Variants in CA10 observed in about 807,000 individuals in gnomAD.
The protein encoded by CA10 is carbonic anhydrase-related protein 10.
CA10 carries 14 observed loss-of-function variants against 44.2 expected under a neutral mutation model. The ratio of observed to expected loss-of-function variants is 0.32; its 90% CI spans 0.21 to 0.50. The LOEUF (loss-of-function observed/expected upper bound fraction) is 0.50, where lower values mean the gene tolerates loss of function less well. Among genes scored for constraint, CA10 ranks in the 20% least tolerant of loss-of-function variants. CA10 has a pLI of 0.99. For missense variants in CA10, 350 were observed against 409.7 expected, an observed-to-expected ratio of 0.85 and a Z score of 1.26; for synonymous variants, 159 against 141.6, an observed-to-expected ratio of 1.12 and a Z score of -0.87.
At chr17:52,155,800 T>A (rs186206302) in intron 1 of CA10, among the ~76,000 whole-genome samples, 1 of 152,340 alleles carries the variant, frequency 6.6e-6, no homozygotes, top group East Asian at 1.9e-4. Flanking sequence ...ATAGCAATAA[T>A]GATTATTTAG....
At chr17:52,019,611 AGAT>A (rs923762008) in intron 2 of CA10, among the ~76,000 whole-genome samples, 3 of 152,122 alleles carry the variant, frequency 2.0e-5, no homozygotes, top group Non-Finnish European at 2.9e-5. Context: ...AAAAGTACAC[AGAT>A]GATAAGTATA....
At chr17:52,149,677 G>A (rs1225168444) in intron 1 of CA10, among the ~76,000 whole-genome samples, 2 of 152,176 alleles carry the variant, frequency 1.3e-5, no homozygotes, top group Non-Finnish European at 2.9e-5. Context: ...GGTCAACAGG[G>A]TCCTGGCTTT....
intron 3 of CA10, among the ~76,000 whole-genome samples, chr17:51,865,206 T>C (rs1457153798): frequency 2.6e-5 from 4 of 152,294 alleles, no homozygotes; most frequent in East Asian, 3.9e-4. Context: ...TTTTTCTCCA[T>C]GGTACTCACC....
chr17:51,793,042 A>G (rs1190015743), intron 3 of CA10, among the ~76,000 whole-genome samples: 1 of 152,180 alleles, frequency 6.6e-6, no homozygotes, highest in African/African-American at 2.4e-5. Context: ...GGTTGTGGTG[A>G]GGTCCATGGA....
At chr17:51,978,700 T>C (rs79827507) in intron 2 of CA10, among the ~76,000 whole-genome samples, 1,838 of 152,108 alleles carry the variant, frequency 0.012, 27 homozygotes, top group African/African-American at 0.042. Flanking sequence ...TTCATCAAAA[T>C]GAAAAATCTT....
At chr17:52,059,748 C>G (rs1186555740) in intron 2 of CA10, among the ~76,000 whole-genome samples, 2 of 152,070 alleles carry the variant, frequency 1.3e-5, no homozygotes, top group Non-Finnish European at 2.9e-5. Context: ...TAATGACTGA[C>G]TACCTCCAAT....
intron 2 of CA10, among the ~76,000 whole-genome samples, chr17:52,052,508 A>G (rs1200819857): frequency 6.6e-6 from 1 of 151,996 alleles, no homozygotes; most frequent in Non-Finnish European, 1.5e-5. Context: ...ACATGTTATT[A>G]CAGAAAAGAT....
At chr17:51,721,392 C>G (rs879884740) in intron 4 of CA10, among the ~76,000 whole-genome samples, 2 of 152,012 alleles carry the variant, frequency 1.3e-5, no homozygotes, top group African/African-American at 2.4e-5. Context: ...GTCACTCAGG[C>G]TAGAGTGCAG....
chr17:51,740,734 C>T (rs1904423092), intron 4 of CA10, among the ~76,000 whole-genome samples: 1 of 152,194 alleles, frequency 6.6e-6, no homozygotes, highest in Admixed American at 6.5e-5. Context: ...TCCTTGCATG[C>T]TCACAGCTCC....
At chr17:51,878,893 G>GTGTGT (rs1555608413) in intron 3 of CA10, among the ~76,000 whole-genome samples, 2 of 52,350 alleles carry the variant, frequency 3.8e-5, no homozygotes, top group Non-Finnish European at 3.8e-5. Flanking sequence ...TATATATATG[G>GTGTGT]GTGTGTGTGT....
At chr17:52,125,909 T>C (rs1389857000) in intron 1 of CA10, among the ~76,000 whole-genome samples, 1 of 152,124 alleles carries the variant, frequency 6.6e-6, no homozygotes, top group Non-Finnish European at 1.5e-5. Flanking sequence ...GATGGGGTGC[T>C]AGCTCAGGCT....
At chr17:51,814,700 G>A (rs930034692) in intron 3 of CA10, among the ~76,000 whole-genome samples, 1 of 152,148 alleles carries the variant, frequency 6.6e-6, no homozygotes, top group African/African-American at 2.4e-5. Flanking sequence ...CATGTGCCTG[G>A]CAAAACCAGT....
At chr17:51,740,248 G>C (rs1396865908) in intron 4 of CA10, among the ~76,000 whole-genome samples, 1 of 152,122 alleles carries the variant, frequency 6.6e-6, no homozygotes, top group African/African-American at 2.4e-5. Flanking sequence ...CATACTCTGT[G>C]ACTGTAGGGA....
chr17:51,737,787 C>A (rs1279432757), intron 4 of CA10, among the ~76,000 whole-genome samples: 1 of 152,156 alleles, frequency 6.6e-6, no homozygotes, highest in Non-Finnish European at 1.5e-5. Context: ...CCAGGCCAAG[C>A]CAACCATTGC....
chr17:51,988,994 A>G (rs1261559942), intron 2 of CA10, among the ~76,000 whole-genome samples: 1 of 151,970 alleles, frequency 6.6e-6, no homozygotes, highest in Non-Finnish European at 1.5e-5. Flanking sequence ...AGTGCTTGAC[A>G]GTTACATGTG....
chr17:52,059,137 G>A (rs1987308162), intron 2 of CA10, among the ~76,000 whole-genome samples: 1 of 152,148 alleles, frequency 6.6e-6, no homozygotes, highest in Non-Finnish European at 1.5e-5. Flanking sequence ...AATCTAGAGA[G>A]AGAGACTTGC....
At chr17:51,882,557 A>G (rs1364980096) in intron 3 of CA10, among the ~76,000 whole-genome samples, 1 of 152,216 alleles carries the variant, frequency 6.6e-6, no homozygotes, top group Non-Finnish European at 1.5e-5. Context: ...TCGACCTGGC[A>G]TAGTCAAGTC....
At chr17:51,954,320 A>T (rs1983587846) in intron 2 of CA10, among the ~76,000 whole-genome samples, 2 of 152,254 alleles carry the variant, frequency 1.3e-5, no homozygotes, top group South Asian at 4.1e-4. Flanking sequence ...TTCCATTTTT[A>T]TGCCTCCCTT....
At chr17:51,793,903 C>T (rs1906613227) in intron 3 of CA10, among the ~76,000 whole-genome samples, 1 of 152,224 alleles carries the variant, frequency 6.6e-6, no homozygotes, top group Non-Finnish European at 1.5e-5. Context: ...TGCTCAGATT[C>T]TGGACATCCA....
Sources: allele counts gnomAD v4.1 joint callset (sites outside exome capture counted in the v4.1 genomes callset), GRCh38; gene constraint gnomAD v4.1.1; transcripts MANE v1.5; gene names NCBI Gene and HGNC (gene_info 2026-07-23, HGNC 2026-07-21).